SIK2: variants seen among roughly 807,000 people sequenced by gnomAD.
SIK2 encodes salt inducible kinase 2, also known as serine/threonine-protein kinase SIK2.
SIK2 carries 29 observed loss-of-function variants against 103.2 expected under a neutral mutation model. The observed-to-expected ratio is 0.28, with a 90% confidence interval of 0.21 to 0.38. The LOEUF (loss-of-function observed/expected upper bound fraction) is 0.38, where lower values mean the gene tolerates loss of function less well. SIK2 is among the 10% of genes least tolerant of loss of function. The probability of loss-of-function intolerance (pLI) is 1.00; values close to 1 mark genes in which losing one functional copy is unlikely to be tolerated. For missense variants in SIK2, 879 were observed against 1,171.0 expected (o/e 0.75, Z 3.64); for synonymous variants, 412 against 446.1 (o/e 0.92, Z 0.96).
chr11:111,611,752 C>CA (rs1941729366), intron 1 of SIK2, among the ~76,000 whole-genome samples: 1 of 151,874 alleles, frequency 6.6e-6, no homozygotes, highest in Admixed American at 6.6e-5. Flanking sequence ...TGAACACCAC[C>CA]AAAAAAGGGG....
intron 3 of SIK2, among the ~76,000 whole-genome samples, chr11:111,676,755 C>G (rs1349630461): frequency 6.6e-6 from 1 of 152,112 alleles, no homozygotes; most frequent in Non-Finnish European, 1.5e-5. Context: ...TCTCATTCTC[C>G]AAGTTTGACA....
rs1332309536 is a variant in SIK2, at chr11:111,613,540, T to C, written c.136-2703T>C. On this transcript the variant is annotated intron_variant, in intron 1 of 14. Coordinates refer to ENST00000304987, the MANE Select transcript of SIK2 (RefSeq NM_015191.3). ...AGCTGTTACCCAAAGTTACCCAAAA[T>C]AATGGATAATAATGGATTGTATCAT... 2.6e-5 allele frequency among the ~76,000 whole-genome samples: 4 copies of C among 152,300 alleles called. No homozygotes were observed. The East Asian group carries it at 7.7e-4, about 29-fold the overall frequency.
Position 111,602,520 on chromosome 11 carries a change from C to G in SIK2, c.-44C>G, listed in dbSNP as rs1385074086. On this transcript the variant is annotated 5_prime_UTR_variant, in exon 1 of 15. Coordinates refer to ENST00000304987, the MANE Select transcript of SIK2 (RefSeq NM_015191.3). This position sits in a 1 kb window ranked among gnomAD's most constrained non-coding sequence, Gnocchi z 4.5. Reference sequence around the variant, plus strand: ...CCAAGCCGCGCTGCCAACCCTCCCGCCCGCCCGCGCTCCTGTCCGCCGTGT... The same window carrying G: ...CCAAGCCGCGCTGCCAACCCTCCCGGCCGCCCGCGCTCCTGTCCGCCGTGT... 4.2e-6 allele frequency: 6 copies of G among 1,433,638 alleles called. No homozygotes were observed. The highest frequency in any genetic ancestry group is 5.5e-6 in the Non-Finnish European group (6 of 1,094,992). 88.8% of individuals were successfully genotyped at this position (1,433,638 alleles called of 1,614,324 possible).
At chr11:111,711,796 G>A (rs1943503578) in intron 8 of SIK2, among the ~76,000 whole-genome samples, 1 of 152,308 alleles carries the variant, frequency 6.6e-6, no homozygotes, top group Non-Finnish European at 1.5e-5. Context: ...GTTACTTGTG[G>A]GTGTGTATAT....
intron 3 of SIK2, among the ~76,000 whole-genome samples, chr11:111,623,216 C>A (rs999117659): frequency 2.0e-5 from 3 of 152,128 alleles, no homozygotes; most frequent in Admixed American, 1.3e-4. Flanking sequence ...TTGTAGTATT[C>A]TTTTCTATAA....
intron 3 of SIK2, among the ~76,000 whole-genome samples, chr11:111,679,027 G>T (rs1942744182): frequency 6.6e-6 from 1 of 152,172 alleles, no homozygotes; most frequent in Non-Finnish European, 1.5e-5. Context: ...TCTGACTCTA[G>T]AATTTATTTC....
intron 3 of SIK2, among the ~76,000 whole-genome samples, chr11:111,666,806 A>C (rs1354120633): frequency 6.6e-6 from 1 of 152,166 alleles, no homozygotes; most frequent in African/African-American, 2.4e-5. Context: ...GAAACACCTA[A>C]CTAGCAAATC....
intron 1 of SIK2, among the ~76,000 whole-genome samples, chr11:111,612,041 T>A (rs1428193921): frequency 6.6e-6 from 1 of 152,140 alleles, no homozygotes; most frequent in Non-Finnish European, 1.5e-5. Context: ...TTGTTGAGGG[T>A]AGGAATCAAA....
In SIK2 at chr11:111,602,472, A is replaced by G; in HGVS notation, c.-92A>G. On this transcript the variant is annotated 5_prime_UTR_variant, in exon 1 of 15. Coordinates refer to ENST00000304987, the MANE Select transcript of SIK2 (RefSeq NM_015191.3). The surrounding 1 kb of genome is among the most constrained non-coding windows in gnomAD (Gnocchi z 4.5). ...GGAAGGAGCGAAGGAGCGAAGGAGC[A>G]AGCGGAGCGGCCGTCGCCCAAGCCA... 7.6e-7 allele frequency: 1 copy of G among 1,314,536 alleles called. No homozygotes were observed. Among genetic ancestry groups the G allele is most frequent in the Non-Finnish European group, 9.8e-7 (1 of 1,015,440 alleles). 81.4% of individuals were successfully genotyped at this position (1,314,536 alleles called of 1,614,324 possible). A position where few individuals can be genotyped will look rare whatever the true frequency, so the allele number is the denominator to read the frequency against.
intron 3 of SIK2, among the ~76,000 whole-genome samples, chr11:111,674,666 T>G (rs1445439569): frequency 6.6e-6 from 1 of 152,210 alleles, no homozygotes; most frequent in Admixed American, 6.5e-5. Context: ...AAAAGATGTC[T>G]TTGTACAATT....
intron 4 of SIK2, among the ~76,000 whole-genome samples, chr11:111,690,272 C>CT (rs67405245): frequency 0.032 from 4,175 of 130,394 alleles, 189 homozygotes; most frequent in African/African-American, 0.1. Context: ...GAAGGTCTTT[C>CT]TTTTTTTTTT....
At chr11:111,723,076 C>T (rs1255760863) in intron 14 of SIK2, among the ~76,000 whole-genome samples, 7 of 152,156 alleles carry the variant, frequency 4.6e-5, no homozygotes, top group African/African-American at 1.2e-4. Context: ...AGGAGCCTTC[C>T]GTCCTCCCTT....
At position 111,602,794 on chromosome 11, in the gene SIK2, C is replaced by T. The variant is rs1032017313; in HGVS notation, c.135+96C>T. On this transcript the variant is annotated intron_variant, in intron 1 of 14. Transcript: ENST00000304987. This position sits in a 1 kb window ranked among gnomAD's most constrained non-coding sequence, Gnocchi z 4.5. ...GGCCGCAGTGGTGGGACCGGGGAGA[C>T]CCGAGAGGCCGCCTCACTGGCGGAG... 3.6e-6 allele frequency: 5 copies of T among 1,382,920 alleles called. No homozygotes were observed. In the East Asian group the frequency reaches 1.5e-4, roughly 42 times the overall value. 85.7% of individuals were successfully genotyped at this position (1,382,920 alleles called of 1,614,324 possible).
intron 3 of SIK2, among the ~76,000 whole-genome samples, chr11:111,625,126 T>C (rs1210816516): frequency 6.6e-6 from 1 of 152,126 alleles, no homozygotes; most frequent in Non-Finnish European, 1.5e-5. Context: ...GGGCATTGTG[T>C]AGGCCATTAG....
intron 3 of SIK2, among the ~76,000 whole-genome samples, chr11:111,623,630 A>G (rs1273421456): frequency 6.6e-6 from 1 of 152,182 alleles, no homozygotes; most frequent in East Asian, 1.9e-4. Flanking sequence ...TCAATGCCCC[A>G]TGAATGCTGA....
At chr11:111,708,842 C>T (rs1255066949) in intron 8 of SIK2, among the ~76,000 whole-genome samples, 1 of 152,134 alleles carries the variant, frequency 6.6e-6, no homozygotes, top group Non-Finnish European at 1.5e-5. Context: ...CCTACCGTGA[C>T]CTCCCAAAGT....
Position 111,730,513 on chromosome 11 carries a change from TG to T in SIK2, c.*6387del. On this transcript the variant is annotated 3_prime_UTR_variant, in exon 15 of 15. Coordinates refer to ENST00000304987, the MANE Select transcript of SIK2 (RefSeq NM_015191.3). ...TTATTTGCTTATATCTGAAGGGAGG[TG>T]GGTGGTTTTGCTGGATGTTTGGTCT... 6.6e-6 allele frequency: 1 copy of T among 151,988 alleles called. No homozygotes were observed. The highest frequency in any genetic ancestry group is 1.5e-5 in the Non-Finnish European group (1 of 68,000). 9.4% of individuals were successfully genotyped at this position (151,988 alleles called of 1,614,324 possible). A position where few individuals can be genotyped will look rare whatever the true frequency, so the allele number is the denominator to read the frequency against.
intron 12 of SIK2, 55 bp from the exon 13 acceptor site, chr11:111,721,775 G>A (rs567950181): frequency 9.2e-5 from 129 of 1,402,598 alleles, no homozygotes; most frequent in Non-Finnish European, 1.2e-4. Flanking sequence ...GCTAAGAACT[G>A]AGACGTTTTT....
At chr11:111,616,196 G>T (rs781389606) in intron 1 of SIK2, 47 bp from the exon 2 acceptor site, 47 of 1,289,340 alleles carry the variant, frequency 3.6e-5, no homozygotes, top group Non-Finnish European at 5.1e-5. Context: ...ACTAGAAAAT[G>T]TTAACTATTG....
Sources: allele counts gnomAD v4.1 joint callset (sites outside exome capture counted in the v4.1 genomes callset), GRCh38; gene constraint gnomAD v4.1.1; non-coding constraint Gnocchi (gnomAD v3.1); transcripts MANE v1.5; gene names NCBI Gene and HGNC (gene_info 2026-07-23, HGNC 2026-07-21).